Variants in SLC6A13 observed in about 807,000 individuals in gnomAD.
The protein encoded by SLC6A13 is solute carrier family 6 member 13.
SLC6A13 carries 69 observed loss-of-function variants against 72.9 expected under a neutral mutation model. That is an observed-to-expected ratio of 0.95 (90% CI 0.78 to 1.16). The LOEUF (loss-of-function observed/expected upper bound fraction) is 1.16. SLC6A13 is among the 50% of genes most tolerant of loss of function. The pLI is 0.00. For missense variants in SLC6A13, 735 were observed against 760.5 expected (o/e 0.97, Z 0.39); for synonymous variants, 303 against 303.0 (o/e 1.00, Z 0.00).
chr12:237,178 CCT>C lies in SLC6A13; in HGVS notation c.674_675del (p.Lys225ArgfsTer124). 6.2e-7 allele frequency: 1 copy of C among 1,614,102 alleles called. No individual in the cohort carries two copies. The stretch of plus-strand genomic sequence containing the variant: ...CGAACCTTGCCTGTGGACTTCACCC[CCT>C]TCCAGATGCAGAAGTAGCAGATGAC... The part of the protein sequence containing the change: ...AWVICYFCIW[K>X]GVKSTGKVVY... On this transcript the variant is annotated frameshift_variant, in exon 6 of 15. Transcript: ENST00000343164. LOFTEE classifies it high-confidence loss of function.
intron 13 of SLC6A13, among the ~76,000 whole-genome samples, chr12:221,775 G>T (rs760018368): frequency 2.6e-5 from 4 of 152,206 alleles, no homozygotes; most frequent in Non-Finnish European, 5.9e-5. Flanking sequence ...GCACCTCTAC[G>T]TGCAGCTGAC....
intron 2 of SLC6A13, chr12:257,145 G>A (rs1188011951): frequency 1.3e-5 from 2 of 151,942 alleles, no homozygotes; most frequent in Non-Finnish European, 2.9e-5. Context: ...CTTTGCGTGG[G>A]AGGTGAGAGG....
chr12:224,143 C>T lies in SLC6A13; in HGVS notation c.1174-14G>A. 1 of 1,614,024 alleles carries T rather than the reference C, an allele frequency of 6.2e-7. No individual in the cohort carries two copies. Among genetic ancestry groups the T allele is most frequent in the Non-Finnish European group, 8.5e-7 (1 of 1,179,966 alleles). ...TACACACACAAACTGGATGACAGGG[C>T]AAAGGGATTGGAGGGAAGGAGAGCT... On this transcript the variant is annotated splice_polypyrimidine_tract_variant and intron_variant, in intron 10 of 14. Transcript: ENST00000343164.
At chr12:236,202 T>C (rs1319038070) in intron 6 of SLC6A13, among the ~76,000 whole-genome samples, 1 of 152,228 alleles carries the variant, frequency 6.6e-6, no homozygotes, top group Non-Finnish European at 1.5e-5. Flanking sequence ...TATTAGTAGA[T>C]CTGCTTTTTG....
chr12:238,485 C>T (rs930774527), intron 4 of SLC6A13: 3 of 443,368 alleles, frequency 6.8e-6, no homozygotes, highest in East Asian at 7.2e-5. Flanking sequence ...TGTTTTGCTT[C>T]GCTCGTCTCT....
intron 6 of SLC6A13, chr12:236,948 C>T (rs1340184792): frequency 3.8e-6 from 2 of 524,962 alleles, no homozygotes; most frequent in Admixed American, 6.1e-5. Flanking sequence ...AGGTGTCCTT[C>T]CTGCCTTTCT....
Position 237,214 on chromosome 12 carries a change from G to A in SLC6A13, c.640C>T (p.Leu214=), listed in dbSNP as rs758860028. ...LRWELALCLL[L]AWVICYFCIW... is the part of the protein sequence containing the mutation. ...CAGAAGTAGCAGATGACCCAGGCCAGCAGGAGGCACAGAGCCAGCTCCCAG... is the reference window on the plus strand; with the variant it reads ...CAGAAGTAGCAGATGACCCAGGCCAACAGGAGGCACAGAGCCAGCTCCCAG... Residue 214 remains leucine, a synonymous_variant, in exon 6 of 15, where the codon CTG becomes TTG. Coordinates refer to ENST00000343164, the MANE Select transcript of SLC6A13 (RefSeq NM_016615.5). 28 of 1,614,082 alleles carry A rather than the reference G, an allele frequency of 1.7e-5. No homozygotes were observed. The South Asian group carries it at 3.0e-4, about 17-fold the overall frequency.
intron 7 of SLC6A13, among the ~76,000 whole-genome samples, chr12:234,171 A>T (rs760092375): frequency 6.6e-6 from 1 of 152,214 alleles, no homozygotes; most frequent in African/African-American, 2.4e-5. Context: ...GCAGGGCATA[A>T]CCGGGTAACC....
intron 2 of SLC6A13, among the ~76,000 whole-genome samples, chr12:253,003 A>G (rs1942608373): frequency 6.6e-6 from 1 of 152,244 alleles, no homozygotes; most frequent in Admixed American, 6.5e-5. Flanking sequence ...GCTGAAGGGC[A>G]TTCTGCCTCT....
In SLC6A13 at chr12:226,457, G is replaced by A. The variant is rs1350049798; in HGVS notation, c.993C>T (p.Ala331=). ...ACATGAAGCCCAGGATGGAGAAGAT[G>A]GCAAAGCCGGCCACAAAGCTGGTGC... ...NSGTSFVAGF[A]IFSILGFMSQ... is the part of the protein sequence containing the mutation. The change falls in exon 9 of 15, where the codon GCC becomes GCT. Residue 331 remains alanine, a synonymous_variant. Coordinates refer to ENST00000343164, the MANE Select transcript of SLC6A13 (RefSeq NM_016615.5). The A allele has an allele frequency of 1.9e-6, 3 of 1,614,020 alleles. No individual in the cohort carries two copies. Among genetic ancestry groups the A allele is most frequent in the Non-Finnish European group, 2.5e-6 (3 of 1,179,982 alleles).
intron 6 of SLC6A13, 116 bp from the exon 7 acceptor site, chr12:235,340 T>A: frequency 9.9e-7 from 1 of 1,006,882 alleles, no homozygotes; most frequent in Non-Finnish European, 1.5e-6. Context: ...GGAGTGTTCC[T>A]CCTGCTCCCA....
In SLC6A13 at chr12:227,589, T is replaced by C. The variant is rs1158186607; in HGVS notation, c.911A>G (p.Asn304Ser). 9 of 1,614,002 alleles carry C rather than the reference T, an allele frequency of 5.6e-6. No individual in the cohort carries two copies. The highest frequency in any genetic ancestry group is 6.8e-6 in the Non-Finnish European group (8 of 1,179,916). The change falls in exon 8 of 15, where the codon AAC (asparagine) becomes AGC (serine). Residue 304 changes from asparagine (N) to serine (S), a missense_variant. Transcript: ENST00000343164. ...LGCLTALGSY[N>S]KYHNNCYRDC... ...CCTGTAGCAGTTGTTGTGGTACTTGTTGTAGCTGCCCAGGGCTGTCAGGCA... is the reference window on the plus strand; with the variant it reads ...CCTGTAGCAGTTGTTGTGGTACTTGCTGTAGCTGCCCAGGGCTGTCAGGCA...
chr12:262,129 T>C (rs1159193077), intron 1 of SLC6A13, among the ~76,000 whole-genome samples: 1 of 152,102 alleles, frequency 6.6e-6, no homozygotes, highest in African/African-American at 2.4e-5. Flanking sequence ...CTCCCAGTGA[T>C]GGAAAGCCTT....
chr12:251,961 G>C (rs941019451), intron 2 of SLC6A13, among the ~76,000 whole-genome samples: 3 of 152,080 alleles, frequency 2.0e-5, no homozygotes, highest in Admixed American at 6.5e-5. Flanking sequence ...GGGTGACAGA[G>C]TGAGATCCCA....
chr12:222,067 C>T (rs973961578), intron 13 of SLC6A13, among the ~76,000 whole-genome samples: 4 of 152,226 alleles, frequency 2.6e-5, no homozygotes, highest in African/African-American at 9.7e-5. Flanking sequence ...AGTGGCTTAA[C>T]AACCTCTTCA....
At chr12:226,540 C>T (rs749854065) in intron 8 of SLC6A13, 26 bp from the exon 9 acceptor site, 56 of 1,609,424 alleles carry the variant, frequency 3.5e-5, no homozygotes, top group East Asian at 2.0e-4. Context: ...GAGGAGAGGG[C>T]GGAATGGCAG....
intron 7 of SLC6A13, among the ~76,000 whole-genome samples, chr12:228,730 T>G (rs1210828284): frequency 6.6e-6 from 1 of 152,088 alleles, no homozygotes; most frequent in African/African-American, 2.4e-5. Context: ...CCTACCAAAG[T>G]GGCCACATTT....
intron 2 of SLC6A13, among the ~76,000 whole-genome samples, chr12:257,537 A>G (rs1199058246): frequency 6.6e-6 from 1 of 152,130 alleles, no homozygotes; most frequent in Non-Finnish European, 1.5e-5. Flanking sequence ...TCTCCACCAG[A>G]ATCAGAGTGC....
chr12:251,755 T>G (rs1288223977), intron 2 of SLC6A13, among the ~76,000 whole-genome samples: 1 of 151,542 alleles, frequency 6.6e-6, no homozygotes, highest in African/African-American at 2.4e-5. Context: ...GAGTTTGAGA[T>G]CAGCCTAGGC....
Sources: gnomAD v4.1 joint callset for allele counts (sites outside exome capture counted in the v4.1 genomes callset) on GRCh38, gnomAD v4.1.1 for gene constraint, MANE v1.5 for transcripts, NCBI Gene and HGNC (gene_info 2026-07-23, HGNC 2026-07-21) for gene names.